LAMB1: variants seen among roughly 807,000 people sequenced by gnomAD.
LAMB1 encodes the protein laminin subunit beta 1.
Under a neutral mutation model 222.3 loss-of-function variants are expected in LAMB1, and 121 were observed. The ratio of observed to expected loss-of-function variants is 0.54; its 90% confidence interval spans 0.47 to 0.63. The LOEUF is 0.63. Among genes scored for constraint, LAMB1 ranks in the 30% least tolerant of loss-of-function variants. The probability of loss-of-function intolerance (pLI) is 0.00; values close to 1 mark genes in which losing one functional copy is unlikely to be tolerated. For missense variants in LAMB1, 2,172 were observed against 2,240.8 expected (o/e 0.97, Z 0.62); for synonymous variants, 794 against 807.2 (o/e 0.98, Z 0.28).
chr7:107,964,612 A>G lies in LAMB1; in HGVS notation c.1638T>C (p.Gly546=), dbSNP rs1329287313. 1.2e-6 allele frequency: 2 copies of G among 1,614,048 alleles called. No individual in the cohort carries two copies. Among genetic ancestry groups the G allele is most frequent in the African/African-American group, 1.3e-5 (1 of 74,908 alleles). Residue 546 remains glycine, a synonymous_variant, in exon 14 of 34, where the codon GGT becomes GGC. Transcript: ENST00000222399. ...AGTGATCCAGGGTGGCAAAGTAGTA[A>G]CCAGGTTCCACTTCGTTGCACTGAC... is the stretch of plus-strand genomic sequence containing the variant. ...IGRQCNEVEP[G]YYFATLDHYL...
At chr7:108,002,533 G>A (rs1473121092) in intron 2 of LAMB1, 2 of 1,039,452 alleles carry the variant, frequency 1.9e-6, no homozygotes, top group East Asian at 6.5e-5. Flanking sequence ...CCAACCCCAG[G>A]GAACCTGCCC....
At chr7:107,988,429 T>A (rs1377407826) in intron 5 of LAMB1, among the ~76,000 whole-genome samples, 1 of 151,792 alleles carries the variant, frequency 6.6e-6, no homozygotes, top group African/African-American at 2.4e-5. Context: ...CCTCCAAGTA[T>A]ATGATGTCTC....
chr7:108,001,558 C>T lies in LAMB1; in HGVS notation c.213G>A (p.Gln71=). The T allele has an allele frequency of 2.5e-6, 4 of 1,595,104 alleles. No individual in the cohort carries two copies. Among genetic ancestry groups the T allele is most frequent in the Non-Finnish European group, 3.4e-6 (4 of 1,166,762 alleles). The change falls in exon 3 of 34, where the codon CAG becomes CAA. Residue 71 remains glutamine, a splice_region_variant and synonymous_variant. Transcript: ENST00000222399. ...PEPYCIVSHL[Q]EDKKCFICNS... ...CTCGAACCCCGCTCTCAGCCCTCAC[C>T]TGCAAGTGGCTGACGATACAGTAGG... is the stretch of plus-strand genomic sequence containing the variant.
At chr7:107,956,386 G>C (rs1016987839) in intron 20 of LAMB1, among the ~76,000 whole-genome samples, 5 of 152,158 alleles carry the variant, frequency 3.3e-5, no homozygotes, top group African/African-American at 9.7e-5. Flanking sequence ...TCCTCCCACC[G>C]AGTTTCTGAT....
intron 15 of LAMB1, among the ~76,000 whole-genome samples, chr7:107,962,035 A>C (rs1011385038): frequency 3.9e-5 from 6 of 152,062 alleles, no homozygotes; most frequent in Non-Finnish European, 7.3e-5. Flanking sequence ...CTCCAACCAT[A>C]TCTCTCATCA....
Position 108,002,889 on chromosome 7 carries a change from G to A in LAMB1, c.-4C>T, listed in dbSNP as rs778105524. ...CTAGCAACTGGAGAAGCCCCATGCCGGCTCCCTGCAGCCACGGGGACGCGG... is the reference window on the plus strand; with the variant it reads ...CTAGCAACTGGAGAAGCCCCATGCCAGCTCCCTGCAGCCACGGGGACGCGG... On this transcript the variant is annotated 5_prime_UTR_variant, in exon 2 of 34. Coordinates refer to ENST00000222399, the MANE Select transcript of LAMB1 (RefSeq NM_002291.3). 1.2e-6 allele frequency: 2 copies of A among 1,613,986 alleles called. No individual in the cohort carries two copies. Among genetic ancestry groups the A allele is most frequent in the South Asian group, 2.2e-5 (2 of 91,044 alleles).
At chr7:107,979,354 G>A (rs1481930277) in intron 8 of LAMB1, among the ~76,000 whole-genome samples, 1 of 152,174 alleles carries the variant, frequency 6.6e-6, no homozygotes, top group Non-Finnish European at 1.5e-5. Context: ...ACCTTCTAAG[G>A]ACTAACAATC....
chr7:107,959,967 G>A (rs1021100031), intron 18 of LAMB1, 133 bp from the exon 19 acceptor site: 24 of 1,258,402 alleles, frequency 1.9e-5, no homozygotes, highest in East Asian at 5.1e-5. Flanking sequence ...TATGATGAGC[G>A]GAAGGGAAGA....
Position 107,975,676 on chromosome 7 carries a change from T to C in LAMB1, c.1189+13A>G. On this transcript the variant is annotated intron_variant, in intron 10 of 33. Transcript: ENST00000222399. Reference sequence around the variant, plus strand: ...AGTAGGTCCCACACAGTGAGTGACATTTCTCAACATACGTTCACAGAAATT... The same window carrying C: ...AGTAGGTCCCACACAGTGAGTGACACTTCTCAACATACGTTCACAGAAATT... 6.2e-7 allele frequency: 1 copy of C among 1,604,108 alleles called. No individual in the cohort carries two copies. Among genetic ancestry groups the C allele is most frequent in the Non-Finnish European group, 8.5e-7 (1 of 1,173,406 alleles).
At chr7:107,973,107 T>A (rs1436143975) in intron 12 of LAMB1, 36 bp from the exon 13 acceptor site, 1 of 1,557,962 alleles carries the variant, frequency 6.4e-7, no homozygotes, top group South Asian at 1.1e-5. Flanking sequence ...AACGGTAGGT[T>A]TCTGTAATTA....
At chr7:107,982,806 A>C (rs1354507180) in intron 7 of LAMB1, among the ~76,000 whole-genome samples, 1 of 152,226 alleles carries the variant, frequency 6.6e-6, no homozygotes, top group Non-Finnish European at 1.5e-5. Context: ...ACAACTAAAG[A>C]GATATTGCTC....
chr7:107,961,564 A>T lies in LAMB1; in HGVS notation c.1970T>A (p.Leu657Ter). The part of the protein sequence containing the change: ...IPDDDNQVVS[L>*]SPGSRYVVLP... ...TCACACTGACCTTGAGCCTGGTGAT[A>T]ATGACACCACCTGGTTGTCATCATC... Residue 657 changes from leucine to a stop codon, truncating the protein, a stop_gained, in exon 16 of 34, where the codon TTA (leucine) becomes TAA (stop). Transcript: ENST00000222399. LOFTEE classifies it high-confidence loss of function. The T allele has an allele frequency of 1.2e-6, 2 of 1,613,730 alleles. No homozygotes were observed. Among genetic ancestry groups the T allele is most frequent in the Non-Finnish European group, 1.7e-6 (2 of 1,179,664 alleles).
Position 108,002,961 on chromosome 7 carries a change from C to T in LAMB1, c.-76G>A, listed in dbSNP as rs1299212280. The stretch of plus-strand genomic sequence containing the variant: ...CGCCGAGCCGCCTGCCCTTTCTTCC[C>T]GTCTTCCTTTCTGGAGAGGTGGAAA... On this transcript the variant is annotated 5_prime_UTR_variant, in exon 2 of 34. Coordinates refer to ENST00000222399, the MANE Select transcript of LAMB1 (RefSeq NM_002291.3). The T allele has an allele frequency of 5.0e-6, 8 of 1,606,896 alleles. No individual in the cohort carries two copies. The highest frequency in any genetic ancestry group is 1.7e-4 in the Middle Eastern group (1 of 5,984).
Position 107,979,862 on chromosome 7 carries a change from T to C in LAMB1, c.879+747A>G, listed in dbSNP as rs186498441. 5.1e-4 allele frequency among the ~76,000 whole-genome samples: 77 copies of C among 152,226 alleles called. 1 individual carries two copies. Among genetic ancestry groups the C allele is most frequent in the Middle Eastern group, 3.4e-3 (1 of 294 alleles). On this transcript the variant is annotated intron_variant, in intron 8 of 33. Coordinates refer to ENST00000222399, the MANE Select transcript of LAMB1 (RefSeq NM_002291.3). The stretch of plus-strand genomic sequence containing the variant: ...GCAGAGGTGTGCGGATCACTTGAGG[T>C]CAGGAGTTTGAGATCAGCCTGACCA...
rs2032488615 is a variant in LAMB1, at chr7:107,923,888, A to T, written c.*63T>A. 1 of 1,414,412 alleles carries T rather than the reference A, an allele frequency of 7.1e-7. No individual in the cohort carries two copies. The highest frequency in any genetic ancestry group is 2.2e-5 in the Admixed American group (1 of 44,978). The allele number at this position is 1,414,412 out of a possible 1,614,324, so 87.6% of individuals were successfully genotyped here. On this transcript the variant is annotated 3_prime_UTR_variant, in exon 34 of 34. Coordinates refer to ENST00000222399, the MANE Select transcript of LAMB1 (RefSeq NM_002291.3). ...TGATGTTTTATTTTGAAGAGCATTAAGTCAGTTTTTAAAATGTAGTTGTTT... is the reference window on the plus strand; with the variant it reads ...TGATGTTTTATTTTGAAGAGCATTATGTCAGTTTTTAAAATGTAGTTGTTT...
intron 17 of LAMB1, among the ~76,000 whole-genome samples, 181 bp from the exon 18 acceptor site, chr7:107,960,830 T>C (rs1249761138): frequency 6.6e-6 from 1 of 152,234 alleles, no homozygotes; most frequent in Non-Finnish European, 1.5e-5. Flanking sequence ...ATTTTAGATA[T>C]GTTTTACACA....
chr7:107,924,356 T>TTTTATACTTTTCATCAAG lies in LAMB1; in HGVS notation c.5080_5097dup (p.Leu1694_Lys1699dup). On this transcript the variant is annotated inframe_insertion, in exon 33 of 34. Coordinates refer to ENST00000222399, the MANE Select transcript of LAMB1 (RefSeq NM_002291.3). The stretch of plus-strand genomic sequence containing the variant: ...TTTTTGGCAATTAAATTTTCTACTT[T>TTTTATACTTTTCATCAAG]TTTATACTTTTCATCAAGTTCACCA... 6.2e-7 allele frequency: 1 copy of TTTTATACTTTTCATCAAG among 1,610,812 alleles called. No homozygotes were observed. The highest frequency in any genetic ancestry group is 8.5e-7 in the Non-Finnish European group (1 of 1,178,382).
In LAMB1 at chr7:107,929,128, G is replaced by GCGACCTGGGCCTTTTCTGCTT; in HGVS notation, c.4802_4822dup (p.Glu1601_Val1607dup). 2 of 1,613,978 alleles carry GCGACCTGGGCCTTTTCTGCTT rather than the reference G, an allele frequency of 1.2e-6. No homozygotes were observed. The highest frequency in any genetic ancestry group is 1.7e-6 in the Non-Finnish European group (2 of 1,179,962). On this transcript the variant is annotated inframe_insertion, in exon 31 of 34. Transcript: ENST00000222399. ...TGCTTGTTTAATTGCCTTCTCTGCT[G>GCGACCTGGGCCTTTTCTGCTT]CGACCTGGGCCTTTTCTGCTTCTTC...
intron 8 of LAMB1, among the ~76,000 whole-genome samples, chr7:107,978,475 A>G (rs1363866420): frequency 7.0e-6 from 1 of 142,560 alleles, no homozygotes; most frequent in Non-Finnish European, 1.6e-5. Context: ...AAAAAAAACT[A>G]GTTACTTAAG....
Sources: gnomAD v4.1 joint callset for allele counts (sites outside exome capture counted in the v4.1 genomes callset) on GRCh38, gnomAD v4.1.1 for gene constraint, MANE v1.5 for transcripts, NCBI Gene and HGNC (gene_info 2026-07-23, HGNC 2026-07-21) for gene names.